SYT14: variants seen among roughly 807,000 people sequenced by gnomAD.
SYT14 encodes synaptotagmin 14.
In SYT14, 32 loss-of-function variants were observed where a neutral mutation model predicts 74.2. That is an observed-to-expected ratio of 0.43 (90% CI 0.33 to 0.58). SYT14 has a LOEUF of 0.58. SYT14 is among the 20% of genes least tolerant of loss of function. The pLI is 0.05. For synonymous variants in SYT14, 298 were observed against 337.7 expected, an observed-to-expected ratio of 0.88 and a Z score of 1.29; for missense variants, 791 against 981.8, an observed-to-expected ratio of 0.81 and a Z score of 2.60.
In SYT14 at chr1:210,081,481, TTAAG is replaced by T. The variant is rs201122035; in HGVS notation, c.1313-12839_1313-12836del. 7.8e-3 allele frequency among the ~76,000 whole-genome samples: 1,194 copies of T among 152,334 alleles called. 19 individuals carry two copies. Among genetic ancestry groups the T allele is most frequent in the African/African-American group, 0.027 (1,140 of 41,556 alleles). Reference sequence around the variant, plus strand: ...TATGTTTATACAATACTGTAGTATATTAAGTGTGTACTAGTATTATGCCAAAAAC... The same window carrying T: ...TATGTTTATACAATACTGTAGTATATTGTGTACTAGTATTATGCCAAAAAC... On this transcript the variant is annotated intron_variant, in intron 5 of 9. Coordinates refer to ENST00000637265, the Ensembl canonical transcript of SYT14.
intron 5 of SYT14, among the ~76,000 whole-genome samples, chr1:210,040,904 G>A (rs1376718308): frequency 1.3e-5 from 2 of 152,118 alleles, no homozygotes; most frequent in Non-Finnish European, 1.5e-5. Flanking sequence ...TCTATTTAGG[G>A]CCTGTCTCCA....
At chr1:210,085,234 A>G (rs2081699216) in intron 5 of SYT14, among the ~76,000 whole-genome samples, 1 of 152,252 alleles carries the variant, frequency 6.6e-6, no homozygotes, top group African/African-American at 2.4e-5. Flanking sequence ...TATTGATCAC[A>G]TTGCCAGTGA....
intron 2 of SYT14, among the ~76,000 whole-genome samples, chr1:209,996,208 T>C (rs2079788040): frequency 6.6e-6 from 1 of 152,012 alleles, no homozygotes; most frequent in Non-Finnish European, 1.5e-5. Flanking sequence ...CTTGAAAAAT[T>C]AAACAAGACT....
At chr1:210,123,855 C>T (rs1200281198) in intron 7 of SYT14, among the ~76,000 whole-genome samples, 1 of 151,764 alleles carries the variant, frequency 6.6e-6, no homozygotes, top group Non-Finnish European at 1.5e-5. Flanking sequence ...GGAAAGATGA[C>T]AAGAAAACTA....
At chr1:210,003,559 A>G (rs4844937) in intron 2 of SYT14, among the ~76,000 whole-genome samples, 7,638 of 152,200 alleles carry the variant, frequency 0.05, 1,058 homozygotes, top group East Asian at 0.42. Context: ...TCTAACAGCT[A>G]GATTTTTTAC....
intron 2 of SYT14, among the ~76,000 whole-genome samples, chr1:209,997,771 A>G (rs1237938316): frequency 2.6e-5 from 4 of 152,076 alleles, no homozygotes; most frequent in Non-Finnish European, 5.9e-5. Context: ...TAACCATGTA[A>G]CAGGCCTGTA....
chr1:210,148,275 G>A (rs2083082511), intron 7 of SYT14, among the ~76,000 whole-genome samples: 2 of 152,072 alleles, frequency 1.3e-5, no homozygotes, highest in South Asian at 2.1e-4. Context: ...TTGGGAGGCC[G>A]AGGTGGGCGG....
chr1:210,101,806 C>T (rs947268732), intron 7 of SYT14, among the ~76,000 whole-genome samples: 45 of 152,106 alleles, frequency 3.0e-4, no homozygotes, highest in African/African-American at 1.0e-3. Flanking sequence ...GGAAAATAAA[C>T]GCTTATATAG....
Position 210,105,278 on chromosome 1 carries a change from C to T in SYT14, c.2034+4817C>T, listed in dbSNP as rs142724362. ...TGAGTCAACTCCGGCATGTAGCCTG[C>T]TTTGGTAAGGTCTGTTGCTCCTCTC... On this transcript the variant is annotated intron_variant, in intron 7 of 9. Coordinates refer to ENST00000637265, the Ensembl canonical transcript of SYT14. Among the ~76,000 whole-genome samples, 3 of 152,328 alleles carry T rather than the reference C, an allele frequency of 2.0e-5. No homozygotes were observed. In the East Asian group the frequency reaches 5.8e-4, roughly 29 times the overall value.
chr1:209,989,958 G>A (rs1410034101), intron 2 of SYT14, among the ~76,000 whole-genome samples: 3 of 151,848 alleles, frequency 2.0e-5, no homozygotes, highest in Non-Finnish European at 2.9e-5. Flanking sequence ...TTTTCATCAC[G>A]TTTAAAGCCA....
chr1:210,155,584 A>ATTCTAATCTGGTGTTTGGT, intron 7 of SYT14, 137 bp from the exon 7 acceptor site: 1 of 893,000 alleles, frequency 1.1e-6, no homozygotes, highest in South Asian at 1.6e-5. Flanking sequence ...AAGGACAATA[A>ATTCTAATCTGGTGTTTGGT]TTCTAATCTG....
intron 5 of SYT14, among the ~76,000 whole-genome samples, chr1:210,056,591 A>C (rs1296694434): frequency 1.3e-5 from 2 of 150,442 alleles, no homozygotes; most frequent in Non-Finnish European, 3.0e-5. Flanking sequence ...CAAGGCAGGC[A>C]GATCATGAGG....
intron 2 of SYT14, among the ~76,000 whole-genome samples, chr1:209,974,369 A>G (rs185739257): frequency 0.013 from 1,944 of 152,244 alleles, 17 homozygotes; most frequent in Non-Finnish European, 0.022. Flanking sequence ...TCTTTAATCC[A>G]TCTTGAATTA....
At chr1:210,019,027 T>C (rs1313414600) in intron 4 of SYT14, among the ~76,000 whole-genome samples, 1 of 144,610 alleles carries the variant, frequency 6.9e-6, no homozygotes, top group African/African-American at 2.6e-5. Flanking sequence ...TCCCAGCTAC[T>C]TGGGAGGCTG....
exon 4 of SYT14, chr1:210,016,640 C>A: frequency 8.1e-7 from 1 of 1,231,674 alleles, no homozygotes; most frequent in Non-Finnish European, 1.0e-6. Flanking sequence ...ATTGTATGAG[C>A]AAAAGAAATA....
chr1:210,046,360 C>G (rs1290796366), intron 5 of SYT14, among the ~76,000 whole-genome samples: 5 of 152,126 alleles, frequency 3.3e-5, no homozygotes, highest in Non-Finnish European at 5.9e-5. Context: ...GGTGACAAAA[C>G]AAGACTCAGT....
At chr1:210,100,983 C>T (rs1409818562) in intron 7 of SYT14, among the ~76,000 whole-genome samples, 1 of 152,116 alleles carries the variant, frequency 6.6e-6, no homozygotes, top group Non-Finnish European at 1.5e-5. Context: ...ATTAGACTTT[C>T]CACCCTTTTT....
chr1:209,990,405 AACGCCCC>A, intron 2 of SYT14, among the ~76,000 whole-genome samples: 1 of 150,616 alleles, frequency 6.6e-6, no homozygotes, highest in South Asian at 2.1e-4. Context: ...TTCATCATGG[AACGCCCC>A]CACCTTCCTT....
At chr1:209,945,152 C>T (rs2078803067) in intron 1 of SYT14, among the ~76,000 whole-genome samples, 1 of 152,150 alleles carries the variant, frequency 6.6e-6, no homozygotes, top group Non-Finnish European at 1.5e-5. Context: ...ACTCCCAATC[C>T]ATCAGAATTA....
Sources: gnomAD v4.1 joint callset for allele counts (sites outside exome capture counted in the v4.1 genomes callset) on GRCh38, gnomAD v4.1.1 for gene constraint, MANE v1.5 for transcripts, NCBI Gene and HGNC (gene_info 2026-07-23, HGNC 2026-07-21) for gene names.